Variants in CDK13 observed in about 807,000 individuals in gnomAD.
The protein encoded by CDK13 is cyclin dependent kinase 13.
Under a neutral mutation model 137.6 loss-of-function variants are expected in CDK13, and 40 were observed. The observed-to-expected ratio is 0.29, with a 90% confidence interval of 0.23 to 0.38. The LOEUF is 0.38. CDK13 is among the 10% of genes least tolerant of loss of function. The pLI, the probability that CDK13 is intolerant of heterozygous loss-of-function variation, is 1.00. For synonymous variants in CDK13, 869 were observed against 760.1 expected (o/e 1.14, Z -2.36); for missense variants, 1,704 against 1,951.8 (o/e 0.87, Z 2.39).
intron 5 of CDK13, among the ~76,000 whole-genome samples, chr7:40,037,320 G>C (rs754192254): frequency 6.6e-6 from 1 of 152,144 alleles, no homozygotes; most frequent in Non-Finnish European, 1.5e-5. Context: ...TAGGGTTGTC[G>C]TTAGAAGGCT....
chr7:39,990,852 A>G (rs531495580), intron 2 of CDK13, among the ~76,000 whole-genome samples: 10 of 152,248 alleles, frequency 6.6e-5, no homozygotes, highest in Non-Finnish European at 1.0e-4. Flanking sequence ...CAGTTATTGT[A>G]ATTAGTCATA....
At position 40,045,932 on chromosome 7, in the gene CDK13, T is replaced by C; in HGVS notation, c.2450T>C (p.Phe817Ser). The change falls in exon 6 of 14, where the codon TTT becomes TCT. Residue 817 changes from phenylalanine to serine, a missense_variant. Transcript: ENST00000181839. ...TTTAATGAAAATCACATAAAGTCAT[T>C]TATGAGACAGCTCATGGAGGGTCTG... ...VHFNENHIKS[F>S]MRQLMEGLDY... The C allele has an allele frequency of 6.2e-7, 1 of 1,613,022 alleles. No individual in the cohort carries two copies. The highest frequency in any genetic ancestry group is 8.5e-7 in the Non-Finnish European group (1 of 1,179,132).
At chr7:40,017,726 CTGTT>C (rs1785031467) in intron 5 of CDK13, among the ~76,000 whole-genome samples, 1 of 151,390 alleles carries the variant, frequency 6.6e-6, no homozygotes, top group East Asian at 1.9e-4. Context: ...TCACATCTGT[CTGTT>C]TGGTGGCTTT....
Position 39,951,138 on chromosome 7 carries a change from C to G in CDK13, c.497C>G (p.Thr166Arg), listed in dbSNP as rs1349460021. ...GLLLGGASAA[T>R]AATAAGGTGG... ...CTGCTGGGGGGGGCCAGCGCGGCAA[C>G]GGCGGCGACGGCTGCCGGGGGAACG... Residue 166 changes from threonine (T) to arginine (R), a missense_variant, in exon 1 of 14, where the codon ACG (threonine) becomes AGG (arginine). This residue lies in a region of CDK13 where 1,051 missense variants were observed against 931.0 expected (regional missense o/e 1.13). Coordinates refer to ENST00000181839, the MANE Select transcript of CDK13 (RefSeq NM_003718.5). 3.9e-5 allele frequency: 49 copies of G among 1,242,010 alleles called. No homozygotes were observed. Among genetic ancestry groups the G allele is most frequent in the Middle Eastern group, 2.4e-4 (1 of 4,254 alleles). The allele number at this position is 1,242,010 out of a possible 1,614,324, so 76.9% of individuals were successfully genotyped here. A position where few individuals can be genotyped will look rare whatever the true frequency, so the allele number is the denominator to read the frequency against.
chr7:39,972,193 C>T (rs951344497), intron 1 of CDK13, among the ~76,000 whole-genome samples: 2 of 152,130 alleles, frequency 1.3e-5, no homozygotes, highest in South Asian at 2.1e-4. Context: ...AAGTCAGCCA[C>T]GTGTCTTTTT....
intron 5 of CDK13, among the ~76,000 whole-genome samples, chr7:40,034,875 T>C (rs1215943645): frequency 1.3e-5 from 2 of 152,212 alleles, no homozygotes; most frequent in African/African-American, 4.8e-5. Context: ...ATCTTACATA[T>C]GTTTATTAAC....
intron 2 of CDK13, among the ~76,000 whole-genome samples, chr7:39,994,467 T>C (rs1442423372): frequency 6.6e-6 from 1 of 152,152 alleles, no homozygotes; most frequent in Non-Finnish European, 1.5e-5. Flanking sequence ...TCTTAACTGT[T>C]GTAGTGTCTT....
At chr7:40,040,756 A>G (rs1785587766) in intron 5 of CDK13, among the ~76,000 whole-genome samples, 1 of 152,132 alleles carries the variant, frequency 6.6e-6, no homozygotes, top group African/African-American at 2.4e-5. Flanking sequence ...CTTCCATTTT[A>G]TATTTTAACT....
intron 1 of CDK13, among the ~76,000 whole-genome samples, chr7:39,959,490 A>G (rs895183067): frequency 7.2e-6 from 1 of 138,112 alleles, no homozygotes; most frequent in African/African-American, 3.1e-5. Context: ...TTTAATTGAG[A>G]CCGGGTCTCA....
chr7:40,074,522 CAAA>C (rs34228836), intron 9 of CDK13, among the ~76,000 whole-genome samples: 176 of 78,054 alleles, frequency 2.3e-3, no homozygotes, highest in Admixed American at 4.0e-3. Flanking sequence ...GACACCATCT[CAAA>C]AAAAAAAAAA....
chr7:40,003,223 CTCTT>C (rs1405843965), intron 5 of CDK13, among the ~76,000 whole-genome samples: 4 of 148,702 alleles, frequency 2.7e-5, no homozygotes, highest in African/African-American at 5.0e-5. Context: ...CTCTCTCTCT[CTCTT>C]ACTCTGTTGA....
At chr7:39,953,844 T>A (rs956343921) in intron 1 of CDK13, among the ~76,000 whole-genome samples, 3 of 152,314 alleles carry the variant, frequency 2.0e-5, no homozygotes, top group Admixed American at 6.5e-5. Context: ...GGAAGCACGT[T>A]AGTTAGAGGC....
chr7:40,066,903 T>A (rs1268597877), intron 9 of CDK13: 2 of 152,132 alleles, frequency 1.3e-5, no homozygotes, highest in African/African-American at 2.4e-5. Context: ...TCTTTTTTTT[T>A]AAACGATTCC....
intron 5 of CDK13, among the ~76,000 whole-genome samples, chr7:40,027,498 A>G (rs758279885): frequency 1.3e-5 from 2 of 152,156 alleles, no homozygotes; most frequent in African/African-American, 4.8e-5. Context: ...CCACATTTCA[A>G]CTGTGCAATA....
chr7:40,003,206 A>ACTCTCTCTCTCTCTCTCT (rs144732307), intron 5 of CDK13, among the ~76,000 whole-genome samples: 44 of 79,892 alleles, frequency 5.5e-4, no homozygotes, highest in African/African-American at 2.0e-3. Flanking sequence ...ACACACACAC[A>ACTCTCTCTCTCTCTCTCT]CTCTCTCTCT....
At chr7:40,072,916 T>C (rs1296255621) in intron 9 of CDK13, 2 of 151,934 alleles carry the variant, frequency 1.3e-5, no homozygotes, top group Non-Finnish European at 2.9e-5. Flanking sequence ...TTCTAAAAAA[T>C]CAAAACTGAT....
chr7:39,976,907 TA>T (rs1784124515), intron 1 of CDK13, among the ~76,000 whole-genome samples: 2 of 152,280 alleles, frequency 1.3e-5, no homozygotes, highest in Admixed American at 1.3e-4. Flanking sequence ...TGAATTATGC[TA>T]GGGGCTGTGG....
chr7:40,047,855 C>T lies in CDK13; in HGVS notation c.2578C>T (p.Arg860Ter), dbSNP rs775898119. 1.2e-6 allele frequency: 2 copies of T among 1,609,906 alleles called. No homozygotes were observed. The highest frequency in any genetic ancestry group is 1.1e-5 in the South Asian group (1 of 90,938). Residue 860 changes from arginine (R) to a stop codon, truncating the protein, a stop_gained, in exon 7 of 14, where the codon CGA (arginine) becomes TGA (stop). Transcript: ENST00000181839. LOFTEE classifies it high-confidence loss of function. ...AAAACTTGCAGACTTTGGACTTGCT[C>T]GATTGTATAGCTCAGAAGAAAGGTA... ...QIKLADFGLA[R>*]LYSSEESRPY...
At chr7:40,026,959 T>G (rs1192108303) in intron 5 of CDK13, among the ~76,000 whole-genome samples, 3 of 152,360 alleles carry the variant, frequency 2.0e-5, no homozygotes, top group Admixed American at 6.5e-5. Context: ...ATTCGCACCT[T>G]TCTGATAAAT....
Sources: allele counts gnomAD v4.1 joint callset (sites outside exome capture counted in the v4.1 genomes callset), GRCh38; gene constraint gnomAD v4.1.1; regional missense constraint gnomAD v4.1.1; transcripts MANE v1.5; gene names NCBI Gene and HGNC (gene_info 2026-07-23, HGNC 2026-07-21).